Variants in BMPR1B observed in about 807,000 individuals in gnomAD.
The protein encoded by BMPR1B is bone morphogenetic protein receptor type 1B, also known as bone morphogenetic protein receptor type-1B.
In BMPR1B, 12 loss-of-function variants were observed where a neutral mutation model predicts 59.1. The observed-to-expected ratio is 0.20, with a 90% CI of 0.13 to 0.33. The LOEUF (loss-of-function observed/expected upper bound fraction) is 0.33. BMPR1B is among the 10% of genes least tolerant of loss of function. The pLI is 1.00. For missense variants in BMPR1B, 550 were observed against 610.9 expected (o/e 0.90, Z 1.05); for synonymous variants, 237 against 207.3 (o/e 1.14, Z -1.23).
intron 10 of BMPR1B, among the ~76,000 whole-genome samples, chr4:95,137,145 A>G (rs2149310318): frequency 6.6e-6 from 1 of 152,234 alleles, no homozygotes; most frequent in Admixed American, 6.5e-5. Context: ...GAACATCTTT[A>G]TTTCTGCCTT....
chr4:95,022,864 C>T (rs34755714), intron 3 of BMPR1B, among the ~76,000 whole-genome samples: 38,682 of 151,984 alleles, frequency 0.25, 6,175 homozygotes, highest in South Asian at 0.42. Context: ...TATTTTCCTT[C>T]TGACAGAGGA....
At chr4:94,936,382 A>T (rs958346308) in intron 2 of BMPR1B, among the ~76,000 whole-genome samples, 1 of 152,210 alleles carries the variant, frequency 6.6e-6, no homozygotes, top group Non-Finnish European at 1.5e-5. Context: ...AAATAGGATG[A>T]GTGACTGTAG....
chr4:94,903,297 TAGTTA>T (rs996026130), intron 2 of BMPR1B, among the ~76,000 whole-genome samples: 5 of 152,060 alleles, frequency 3.3e-5, no homozygotes, highest in South Asian at 2.1e-4. Context: ...CCAGTTAGTT[TAGTTA>T]AGTTTAGTAT....
chr4:94,970,297 T>TC (rs34446065), intron 2 of BMPR1B, among the ~76,000 whole-genome samples: 12,793 of 65,538 alleles, frequency 0.2, 849 homozygotes, highest in Non-Finnish European at 0.25. Context: ...TTCTCTTCTC[T>TC]TCTCTTCTTT....
intron 3 of BMPR1B, among the ~76,000 whole-genome samples, chr4:95,037,431 G>T (rs1725341003): frequency 6.6e-6 from 1 of 152,146 alleles, no homozygotes; most frequent in African/African-American, 2.4e-5. Context: ...TTATTGGAAA[G>T]AATCATTATC....
chr4:95,100,567 C>A (rs1730746722), intron 3 of BMPR1B, among the ~76,000 whole-genome samples: 18 of 151,838 alleles, frequency 1.2e-4, no homozygotes, highest in Admixed American at 1.1e-3. Context: ...TATATGGGTT[C>A]TTTCAAATTA....
At chr4:94,836,819 A>T (rs1327615621) in intron 1 of BMPR1B, among the ~76,000 whole-genome samples, 1 of 149,214 alleles carries the variant, frequency 6.7e-6, no homozygotes, top group Admixed American at 6.7e-5. Context: ...TGTTTTAGAC[A>T]TGAAGTCCTT....
chr4:94,957,332 T>TG (rs1310760766), intron 2 of BMPR1B, among the ~76,000 whole-genome samples: 1 of 101,322 alleles, frequency 9.9e-6, no homozygotes, highest in Non-Finnish European at 2.1e-5. Context: ...TCCTGTTTCG[T>TG]GTTTTTTTTT....
intron 2 of BMPR1B, among the ~76,000 whole-genome samples, chr4:94,920,515 C>T (rs1560547604): frequency 6.6e-6 from 1 of 152,130 alleles, no homozygotes; most frequent in Admixed American, 6.5e-5. Flanking sequence ...AATGCAATGC[C>T]AAGGCCTCCC....
At chr4:94,815,586 T>C (rs543371043) in intron 1 of BMPR1B, among the ~76,000 whole-genome samples, 3 of 152,222 alleles carry the variant, frequency 2.0e-5, no homozygotes, top group Admixed American at 1.3e-4. Context: ...TTTGCTAATT[T>C]GAGTAGACAT....
chr4:95,143,671 A>G (rs1057308828), intron 10 of BMPR1B, among the ~76,000 whole-genome samples: 5 of 152,234 alleles, frequency 3.3e-5, no homozygotes, highest in African/African-American at 7.2e-5. Flanking sequence ...GGTCAGAAAT[A>G]TGAACTTGGT....
chr4:94,976,016 A>G (rs778649921), intron 2 of BMPR1B, among the ~76,000 whole-genome samples: 3 of 152,104 alleles, frequency 2.0e-5, no homozygotes, highest in South Asian at 2.1e-4. Context: ...GGGTTTGGCT[A>G]TTTGCTTCTG....
At chr4:94,946,235 C>T (rs1009823828) in intron 2 of BMPR1B, among the ~76,000 whole-genome samples, 4 of 151,982 alleles carry the variant, frequency 2.6e-5, no homozygotes, top group South Asian at 2.1e-4. Context: ...TGTAGTTTTT[C>T]GTTGAATGGA....
At chr4:95,030,036 G>A (rs1200497047) in intron 3 of BMPR1B, among the ~76,000 whole-genome samples, 5 of 151,334 alleles carry the variant, frequency 3.3e-5, no homozygotes, top group African/African-American at 1.2e-4. Flanking sequence ...AGATGAGTAG[G>A]TTGCAAAAAT....
chr4:94,961,204 G>A (rs1489371552), intron 2 of BMPR1B, among the ~76,000 whole-genome samples: 1 of 152,142 alleles, frequency 6.6e-6, no homozygotes, highest in Non-Finnish European at 1.5e-5. Flanking sequence ...TCAGGAGTCA[G>A]TAAATGATGG....
intron 1 of BMPR1B, among the ~76,000 whole-genome samples, chr4:94,810,010 G>C (rs992001097): frequency 6.6e-6 from 1 of 152,110 alleles, no homozygotes; most frequent in East Asian, 1.9e-4. Context: ...TGAATTTACA[G>C]TTTTTTTGAC....
chr4:95,154,925 T>A lies in BMPR1B; in HGVS notation c.*252T>A, dbSNP rs913708816. 2 of 474,462 alleles carry A rather than the reference T, an allele frequency of 4.2e-6. No individual in the cohort carries two copies. The highest frequency in any genetic ancestry group is 7.6e-6 in the Non-Finnish European group (2 of 262,916). 29.4% of individuals were successfully genotyped at this position (474,462 alleles called of 1,614,324 possible). A position where few individuals can be genotyped will look rare whatever the true frequency, so the allele number is the denominator to read the frequency against. ...GGTAACTTGTTCAAGATATGATGCA[T>A]GTTGCTTTCTAAGAAAGCCCTGTAT... On this transcript the variant is annotated 3_prime_UTR_variant, in exon 13 of 13. Transcript: ENST00000515059.
chr4:94,874,881 T>A (rs181537912), intron 1 of BMPR1B, among the ~76,000 whole-genome samples: 140 of 152,218 alleles, frequency 9.2e-4, no homozygotes, highest in Middle Eastern at 3.4e-3. Flanking sequence ...TAGTCCCAGC[T>A]ACTCTGGAGG....
chr4:95,042,109 G>A (rs1248794600), intron 3 of BMPR1B, among the ~76,000 whole-genome samples: 1 of 152,282 alleles, frequency 6.6e-6, no homozygotes, highest in East Asian at 1.9e-4. Context: ...ACCCGCCTCG[G>A]CCTCCCAAAG....
Sources: allele counts gnomAD v4.1 joint callset (sites outside exome capture counted in the v4.1 genomes callset), GRCh38; gene constraint gnomAD v4.1.1; transcripts MANE v1.5; gene names NCBI Gene and HGNC (gene_info 2026-07-23, HGNC 2026-07-21).